Variants in ABCA12 observed in about 807,000 individuals in gnomAD.
ABCA12 encodes the protein glucosylceramide transporter ABCA12.
A neutral mutation model predicts 293.5 loss-of-function variants in ABCA12; 156 were observed. The observed-to-expected ratio is 0.53, with a 90% CI of 0.47 to 0.61. ABCA12 has a LOEUF of 0.61. ABCA12 is among the 20% of genes least tolerant of loss of function. ABCA12 has a pLI of 0.00. For synonymous variants in ABCA12, 1,063 were observed against 1,108.0 expected, an observed-to-expected ratio of 0.96 and a Z score of 0.81; for missense variants, 2,797 against 3,090.2, an observed-to-expected ratio of 0.91 and a Z score of 2.25.
intron 2 of ABCA12, among the ~76,000 whole-genome samples, chr2:215,093,869 C>G (rs1410806206): frequency 6.6e-6 from 1 of 152,198 alleles, no homozygotes; most frequent in African/African-American, 2.4e-5. Flanking sequence ...CTGTATCTCT[C>G]TGATCCACCT....
intron 2 of ABCA12, among the ~76,000 whole-genome samples, chr2:215,105,902 T>C (rs1402434612): frequency 6.6e-6 from 1 of 152,154 alleles, no homozygotes; most frequent in African/African-American, 2.4e-5. Context: ...CAAATGATGA[T>C]GAATTCTGAG....
chr2:214,967,041 T>G (rs1177616837), intron 38 of ABCA12, 88 bp from the exon 39 acceptor site: 1 of 1,011,742 alleles, frequency 9.9e-7, no homozygotes, highest in Non-Finnish European at 1.5e-6. Context: ...TATTTATATT[T>G]AAAATAAGAG....
At chr2:215,049,072 G>A (rs1469605874) in intron 6 of ABCA12, among the ~76,000 whole-genome samples, 2 of 152,110 alleles carry the variant, frequency 1.3e-5, no homozygotes, top group African/African-American at 2.4e-5. Flanking sequence ...TAGTACCTCG[G>A]TGACAGAATA....
intron 1 of ABCA12, among the ~76,000 whole-genome samples, chr2:215,131,271 C>T (rs1055342389): frequency 2.0e-5 from 3 of 151,820 alleles, no homozygotes; most frequent in Non-Finnish European, 4.4e-5. Context: ...GGGAGCCCTC[C>T]TCTTCGATTT....
At chr2:215,114,270 G>A (rs761644154) in intron 1 of ABCA12, among the ~76,000 whole-genome samples, 13 of 152,154 alleles carry the variant, frequency 8.5e-5, no homozygotes, top group Admixed American at 1.3e-4. Context: ...ACCGCACCCG[G>A]CCAAATTTGC....
intron 2 of ABCA12, among the ~76,000 whole-genome samples, chr2:215,088,089 G>A (rs1044943456): frequency 1.3e-5 from 2 of 152,120 alleles, no homozygotes; most frequent in Non-Finnish European, 2.9e-5. Flanking sequence ...AAAATCTTAG[G>A]TGCCACACAT....
At chr2:214,990,591 C>T in intron 24 of ABCA12, 111 bp downstream of exon 24, 2 of 1,153,206 alleles carry the variant, frequency 1.7e-6, no homozygotes, top group South Asian at 1.3e-5. Flanking sequence ...TTTGCTTTCA[C>T]TGAATTTCAA....
Position 215,026,850 on chromosome 2 carries a change from C to T in ABCA12, c.1150G>A (p.Val384Met). 6.2e-7 allele frequency: 1 copy of T among 1,612,976 alleles called. No homozygotes were observed. The highest frequency in any genetic ancestry group is 8.5e-7 in the Non-Finnish European group (1 of 1,178,994). ...GAACCTCTGGCCAAACTGTCAGTCA[C>T]ATTTCTCACACATGCCAAGTAAGGA... ...YIPYLACVRN[V>M]TDSLARGSPE... is the part of the protein sequence containing the mutation. Residue 384 changes from valine to methionine, a missense_variant, in exon 10 of 53, where the codon GTG (valine) becomes ATG (methionine). Val to Met is a conservative substitution (Grantham distance 21). Around this residue, in one of 3 missense-constraint regions of ABCA12, gnomAD observed 656 missense variants for 638.2 expected, o/e 1.03. Coordinates refer to ENST00000272895, the MANE Select transcript of ABCA12 (RefSeq NM_173076.3).
chr2:215,108,816 T>A (rs866179396), intron 2 of ABCA12, among the ~76,000 whole-genome samples: 2 of 152,236 alleles, frequency 1.3e-5, no homozygotes, highest in East Asian at 3.9e-4. Flanking sequence ...ATGCCTGTAA[T>A]CCCAGCATTT....
intron 2 of ABCA12, chr2:215,075,596 G>A (rs1485341085): frequency 1.4e-6 from 1 of 694,100 alleles, no homozygotes; most frequent in Non-Finnish European, 2.6e-6. Context: ...TCCATCACAA[G>A]TGTTCCAAGT....
At chr2:214,944,485 A>G (rs1444031873) in intron 49 of ABCA12, among the ~76,000 whole-genome samples, 1 of 152,108 alleles carries the variant, frequency 6.6e-6, no homozygotes, top group African/African-American at 2.4e-5. Context: ...TGGAGATGGG[A>G]AAGGGTATGG....
At chr2:215,059,358 C>T (rs536018350) in intron 3 of ABCA12, among the ~76,000 whole-genome samples, 23 of 152,014 alleles carry the variant, frequency 1.5e-4, no homozygotes, top group Non-Finnish European at 3.4e-4. Flanking sequence ...ACAAGTCACC[C>T]ACAGGAGAAT....
intron 45 of ABCA12, among the ~76,000 whole-genome samples, chr2:214,950,434 G>A (rs1260304052): frequency 6.7e-6 from 1 of 149,704 alleles, no homozygotes; most frequent in Non-Finnish European, 1.5e-5. Flanking sequence ...ATATATGCAT[G>A]TGTGTATATT....
At chr2:215,012,264 T>A in intron 15 of ABCA12, 129 bp from the exon 16 acceptor site, 1 of 785,932 alleles carries the variant, frequency 1.3e-6, no homozygotes, top group Non-Finnish European at 2.1e-6. Flanking sequence ...TAGTTAAATG[T>A]AAATTTAACA....
chr2:215,018,189 T>A, intron 13 of ABCA12, 57 bp from the exon 14 acceptor site: 1 of 1,578,146 alleles, frequency 6.3e-7, no homozygotes, highest in South Asian at 1.1e-5. Flanking sequence ...GTCACTCTTT[T>A]TAGTATGACT....
chr2:215,078,461 A>G (rs1701875537), intron 2 of ABCA12, among the ~76,000 whole-genome samples: 1 of 152,204 alleles, frequency 6.6e-6, no homozygotes, highest in Admixed American at 6.5e-5. Context: ...TTAATCTTTC[A>G]CATTTCGGGT....
chr2:214,944,975 C>A, intron 49 of ABCA12, 26 bp downstream of exon 49: 1 of 1,596,110 alleles, frequency 6.3e-7, no homozygotes, highest in Non-Finnish European at 8.6e-7. Context: ...TGTGTGGATT[C>A]GCTTTAAAGA....
chr2:214,997,905 T>C, intron 22 of ABCA12, 96 bp from the exon 23 acceptor site: 1 of 774,564 alleles, frequency 1.3e-6, no homozygotes, highest in South Asian at 1.5e-5. Context: ...TCTCTTACAT[T>C]GAACTTATGA....
At chr2:215,090,280 G>A (rs185298759) in intron 2 of ABCA12, among the ~76,000 whole-genome samples, 159 of 152,206 alleles carry the variant, frequency 1.0e-3, no homozygotes, top group African/African-American at 3.6e-3. Flanking sequence ...CCTGTTTGGT[G>A]GTCTCTTCAC....
Sources: allele counts gnomAD v4.1 joint callset (sites outside exome capture counted in the v4.1 genomes callset), GRCh38; gene constraint gnomAD v4.1.1; regional missense constraint gnomAD v4.1.1; transcripts MANE v1.5; gene names NCBI Gene and HGNC (gene_info 2026-07-23, HGNC 2026-07-21).